Variants in NRG3 observed in about 807,000 individuals in gnomAD.
NRG3 encodes the protein pro-neuregulin-3, membrane-bound isoform.
In NRG3, 31 loss-of-function variants were observed where a neutral mutation model predicts 66.9. That is an observed-to-expected ratio of 0.46 (90% CI 0.35 to 0.63). The LOEUF is 0.63. Ranked by LOEUF, NRG3 falls within the 20% of genes least tolerant of loss-of-function variation. The pLI is 0.00. For missense variants in NRG3, 910 were observed against 878.9 expected, an observed-to-expected ratio of 1.04 and a Z score of -0.45; for synonymous variants, 393 against 359.4, an observed-to-expected ratio of 1.09 and a Z score of -1.06.
chr10:82,726,908 G>C (rs1004466608), intron 2 of NRG3, among the ~76,000 whole-genome samples: 1 of 152,172 alleles, frequency 6.6e-6, no homozygotes, highest in Non-Finnish European at 1.5e-5. Context: ...CTCAGATGAA[G>C]ATGAGAAACT....
chr10:82,094,895 A>C (rs2132033272), intron 1 of NRG3, among the ~76,000 whole-genome samples: 1 of 152,308 alleles, frequency 6.6e-6, no homozygotes, highest in South Asian at 2.1e-4. Flanking sequence ...GAAGGGTGAG[A>C]GGGAGTTGAG....
chr10:82,656,644 A>G (rs2051886273), intron 2 of NRG3, among the ~76,000 whole-genome samples: 1 of 151,942 alleles, frequency 6.6e-6, no homozygotes, highest in Non-Finnish European at 1.5e-5. Flanking sequence ...CCCAGGTCTA[A>G]GCCTCTGTCT....
At chr10:82,553,593 A>G (rs1290781418) in intron 2 of NRG3, among the ~76,000 whole-genome samples, 1 of 152,058 alleles carries the variant, frequency 6.6e-6, no homozygotes, top group African/African-American at 2.4e-5. Context: ...AGTCTTTAAG[A>G]TGTTTGGAAT....
intron 5 of NRG3, 71 bp downstream of exon 5, chr10:82,951,642 A>G (rs1592068870): frequency 7.6e-7 from 1 of 1,309,888 alleles, no homozygotes; most frequent in Non-Finnish European, 1.1e-6. Flanking sequence ...TTAAGTTCTC[A>G]GTCTGTGTGC....
chr10:82,492,152 A>G (rs1475077195), intron 2 of NRG3, among the ~76,000 whole-genome samples: 1 of 152,176 alleles, frequency 6.6e-6, no homozygotes, highest in Non-Finnish European at 1.5e-5. Flanking sequence ...TTTGTCCATC[A>G]CTTCTAAAAC....
At chr10:82,532,986 T>C (rs1361862558) in intron 2 of NRG3, among the ~76,000 whole-genome samples, 1 of 151,734 alleles carries the variant, frequency 6.6e-6, no homozygotes, top group East Asian at 1.9e-4. Flanking sequence ...TAATAATGGC[T>C]ACCCTAACAG....
chr10:82,761,920 TTC>T (rs1306040986), intron 3 of NRG3, among the ~76,000 whole-genome samples: 19 of 116,288 alleles, frequency 1.6e-4, no homozygotes, highest in African/African-American at 3.9e-4. Flanking sequence ...CTTTCTTTCT[TTC>T]TCTTTCTTTC....
Position 82,824,638 on chromosome 10 carries a change from C to T in NRG3, c.1028-40773C>T, listed in dbSNP as rs140682875. On this transcript the variant is annotated intron_variant, in intron 3 of 8. Transcript: ENST00000372141. ...AACAGCTAGTAATATTGAGCATCTT[C>T]TTATGTGCTTACAGGCTGTTTGTAT... 1.7e-3 allele frequency among the ~76,000 whole-genome samples: 259 copies of T among 151,594 alleles called. 1 individual carries two copies. Among genetic ancestry groups the T allele is most frequent in the African/African-American group, 5.9e-3 (245 of 41,358 alleles).
chr10:82,109,185 A>C (rs1291715691), intron 1 of NRG3, among the ~76,000 whole-genome samples: 2 of 152,226 alleles, frequency 1.3e-5, no homozygotes, highest in African/African-American at 2.4e-5. Context: ...CCTCCACAAC[A>C]GCCAAGTTTC....
chr10:81,919,726 C>G (rs1386889608), intron 1 of NRG3, among the ~76,000 whole-genome samples: 2 of 151,894 alleles, frequency 1.3e-5, no homozygotes, highest in African/African-American at 4.8e-5. Flanking sequence ...ACACCAAAAC[C>G]AAGGCAAATG....
chr10:82,676,462 C>T (rs1367882864), intron 2 of NRG3, among the ~76,000 whole-genome samples: 1 of 151,984 alleles, frequency 6.6e-6, no homozygotes, highest in African/African-American at 2.4e-5. Flanking sequence ...ATATTTTGGT[C>T]TGCCATTTCT....
At chr10:81,943,909 A>G (rs1303328577) in intron 1 of NRG3, among the ~76,000 whole-genome samples, 1 of 152,184 alleles carries the variant, frequency 6.6e-6, no homozygotes, top group Non-Finnish European at 1.5e-5. Flanking sequence ...GGAACTACAG[A>G]TGACTTACCA....
intron 1 of NRG3, among the ~76,000 whole-genome samples, chr10:82,022,896 TTAAC>T (rs1393568647): frequency 6.6e-5 from 10 of 151,130 alleles, no homozygotes; most frequent in South Asian, 6.2e-4. Flanking sequence ...ATACATATAT[TTAAC>T]TAATCAATTT....
chr10:82,375,763 A>G (rs183037528), intron 2 of NRG3, among the ~76,000 whole-genome samples: 6 of 152,230 alleles, frequency 3.9e-5, no homozygotes, highest in Non-Finnish European at 7.3e-5. Context: ...TCATTGTGAA[A>G]TGGCGTGATT....
chr10:81,969,160 A>C (rs545449724), intron 1 of NRG3, among the ~76,000 whole-genome samples: 1 of 152,220 alleles, frequency 6.6e-6, no homozygotes, highest in East Asian at 1.9e-4. Context: ...TGTGTCAGGG[A>C]CCTGAACAAA....
intron 1 of NRG3, among the ~76,000 whole-genome samples, chr10:82,199,010 A>G (rs1376632356): frequency 6.8e-6 from 1 of 148,052 alleles, no homozygotes; most frequent in Non-Finnish European, 1.5e-5. Context: ...AAAAAAAAAA[A>G]GTACAAAAAT....
At chr10:82,500,269 C>T (rs1844042415) in intron 2 of NRG3, among the ~76,000 whole-genome samples, 1 of 152,128 alleles carries the variant, frequency 6.6e-6, no homozygotes, top group Non-Finnish European at 1.5e-5. Flanking sequence ...TTAATGATTA[C>T]TGGCTCCATT....
chr10:82,217,658 CAGAT>C (rs1186693124), intron 1 of NRG3, among the ~76,000 whole-genome samples: 6 of 152,134 alleles, frequency 3.9e-5, no homozygotes, highest in Non-Finnish European at 5.9e-5. Flanking sequence ...AGTTGCCTAA[CAGAT>C]AGAGTGCTCT....
intron 2 of NRG3, among the ~76,000 whole-genome samples, chr10:82,480,134 A>G (rs1014349117): frequency 6.6e-6 from 1 of 152,254 alleles, no homozygotes; most frequent in Non-Finnish European, 1.5e-5. Context: ...CATTCATAAG[A>G]AAGGTCAAAA....
Sources: allele counts gnomAD v4.1 joint callset (sites outside exome capture counted in the v4.1 genomes callset), GRCh38; gene constraint gnomAD v4.1.1; transcripts MANE v1.5; gene names NCBI Gene and HGNC (gene_info 2026-07-23, HGNC 2026-07-21).